Variants in NOX5 observed in about 807,000 individuals in gnomAD.
NOX5 encodes NADPH oxidase, EF-hand calcium binding domain 5.
Under a neutral mutation model 85.7 loss-of-function variants are expected in NOX5, and 76 were observed. The observed-to-expected ratio is 0.89, with a 90% CI of 0.74 to 1.07. The LOEUF (loss-of-function observed/expected upper bound fraction) is 1.07. NOX5 is among the 50% of genes least tolerant of loss of function. The pLI, the probability that NOX5 is intolerant of heterozygous loss-of-function variation, is 0.00. For synonymous variants in NOX5, 405 were observed against 401.4 expected (o/e 1.01, Z -0.11); for missense variants, 973 against 999.5 (o/e 0.97, Z 0.36).
At chr15:69,047,656 C>G in intron 12 of NOX5, 119 bp downstream of exon 12, 1 of 1,399,348 alleles carries the variant, frequency 7.1e-7, no homozygotes, top group East Asian at 2.5e-5. Context: ...CTCTGCTCTT[C>G]TCTCTCTTTC....
chr15:69,034,741 T>TTTTA (rs746680673), intron 5 of NOX5, among the ~76,000 whole-genome samples: 42 of 152,092 alleles, frequency 2.8e-4, no homozygotes, highest in South Asian at 1.2e-3. Flanking sequence ...AACAGAGATA[T>TTTTA]TTTATTTATT....
chr15:69,033,597 A>G (rs554704851), intron 5 of NOX5, among the ~76,000 whole-genome samples: 4 of 151,474 alleles, frequency 2.6e-5, no homozygotes, highest in African/African-American at 9.7e-5. Context: ...TCAAGAGGAA[A>G]CCCTAGAAGA....
At position 69,028,186 on chromosome 15, in the gene NOX5, G is replaced by A. The variant is rs768701568; in HGVS notation, c.175-29G>A. On this transcript the variant is annotated intron_variant, in intron 2 of 15. Coordinates refer to ENST00000388866, the MANE Select transcript of NOX5 (RefSeq NM_024505.4). ...AAGCCCAGGCCCTGCGGCCACAGTT[G>A]TGCTGTCTTCCACCCTTCTCGCCCA... is the stretch of plus-strand genomic sequence containing the variant. 4 of 1,563,466 alleles carry A rather than the reference G, an allele frequency of 2.6e-6. No individual in the cohort carries two copies. In the South Asian group the frequency reaches 3.6e-5, roughly 14 times the overall value.
chr15:69,040,937 C>A (rs1243560078), intron 9 of NOX5, among the ~76,000 whole-genome samples: 1 of 152,158 alleles, frequency 6.6e-6, no homozygotes, highest in Non-Finnish European at 1.5e-5. Context: ...ATCCACCCAC[C>A]TTTTCCAAAG....
At chr15:69,042,629 A>T (rs2050609368) in intron 9 of NOX5, 34 bp from the exon 10 acceptor site, 1 of 1,599,308 alleles carries the variant, frequency 6.3e-7, no homozygotes, top group African/African-American at 1.4e-5. Flanking sequence ...GTCACTATGG[A>T]CCTCCTTTCC....
intron 2 of NOX5, among the ~76,000 whole-genome samples, chr15:69,027,300 C>T (rs533144791): frequency 4.6e-5 from 7 of 152,114 alleles, no homozygotes; most frequent in Non-Finnish European, 8.8e-5. Flanking sequence ...AGGAAAAAAT[C>T]CCATTCTCCC....
intron 9 of NOX5, 133 bp downstream of exon 9, chr15:69,039,122 T>C (rs2050560408): frequency 2.9e-6 from 3 of 1,024,070 alleles, no homozygotes; most frequent in Non-Finnish European, 4.4e-6. Flanking sequence ...AAAGCTCTCT[T>C]TGAAGTGGGA....
intron 1 of NOX5, among the ~76,000 whole-genome samples, chr15:69,018,318 A>C (rs2050255324): frequency 6.6e-6 from 1 of 152,156 alleles, no homozygotes; most frequent in South Asian, 2.1e-4. Flanking sequence ...GGTGTGAGCC[A>C]GCAACAGACT....
At position 69,014,770 on chromosome 15, in the gene NOX5, C is replaced by T; in HGVS notation, c.35C>T (p.Pro12Leu). 6.5e-7 allele frequency: 1 copy of T among 1,550,192 alleles called. No individual in the cohort carries two copies. Among genetic ancestry groups the T allele is most frequent in the East Asian group, 2.4e-5 (1 of 40,918 alleles). Residue 12 changes from proline (P) to leucine (L), a missense_variant, in exon 1 of 16, where the codon CCT becomes CTT. Pro to Leu is a moderately conservative substitution (Grantham distance 98). Coordinates refer to ENST00000388866, the MANE Select transcript of NOX5 (RefSeq NM_024505.4). ...NTSGDPAQTG[P>L]EGCRGTMSAE... ...TCTGGAGACCCAGCCCAGACGGGCC[C>T]TGAAGGCTGTAGAGGGTGAGTGGCT...
chr15:69,015,739 G>A lies in NOX5; in HGVS notation c.50+954G>A, dbSNP rs117014689. On this transcript the variant is annotated intron_variant, in intron 1 of 15. Transcript: ENST00000388866. Reference sequence around the variant, plus strand: ...GTGAGTGCTCTTTTGGGCCGTGGAGGGCTGCCTTGAAACCACCAAAGGGTG... The same window carrying A: ...GTGAGTGCTCTTTTGGGCCGTGGAGAGCTGCCTTGAAACCACCAAAGGGTG... Among the ~76,000 whole-genome samples, 1,486 of 152,294 alleles carry A rather than the reference G, an allele frequency of 9.8e-3. 16 individuals are homozygous for A. The highest frequency in any genetic ancestry group is 0.042 in the East Asian group (218 of 5,178).
At chr15:69,033,656 G>C (rs867739997) in intron 5 of NOX5, among the ~76,000 whole-genome samples, 3 of 151,618 alleles carry the variant, frequency 2.0e-5, no homozygotes, top group Non-Finnish European at 4.4e-5. Context: ...TCTGGCTCAT[G>C]GATGAGGCCT....
intron 3 of NOX5, chr15:69,031,294 C>T (rs2140256928): frequency 8.7e-6 from 5 of 577,512 alleles, no homozygotes; most frequent in Middle Eastern, 4.5e-4. Flanking sequence ...TTGAGTAGTA[C>T]TTAGGGAGTT....
At chr15:69,020,227 T>C (rs531935814) in intron 1 of NOX5, among the ~76,000 whole-genome samples, 1 of 152,344 alleles carries the variant, frequency 6.6e-6, no homozygotes, top group Admixed American at 6.5e-5. Context: ...ATCATGCTTA[T>C]TGCAAATATT....
intron 14 of NOX5, among the ~76,000 whole-genome samples, chr15:69,054,332 G>A (rs141029062): frequency 3.3e-5 from 5 of 152,272 alleles, no homozygotes; most frequent in Non-Finnish European, 4.4e-5. Context: ...GCAGAACTGC[G>A]GGTGCTCTGG....
intron 10 of NOX5, 26 bp from the exon 11 acceptor site, chr15:69,046,796 A>G: frequency 1.9e-6 from 3 of 1,611,038 alleles, no homozygotes; most frequent in Non-Finnish European, 2.5e-6. Flanking sequence ...TCCAAGACCC[A>G]TAACTCTCTG....
In NOX5 at chr15:69,026,637, CTGCATG is replaced by C. The variant is rs1251883284; in HGVS notation, c.163_168del (p.His55_Val56del). 29 of 1,614,038 alleles carry C rather than the reference CTGCATG, an allele frequency of 1.8e-5. No homozygotes were observed. The highest frequency in any genetic ancestry group is 2.4e-5 in the Non-Finnish European group (28 of 1,180,026). On this transcript the variant is annotated inframe_deletion, in exon 2 of 16. Transcript: ENST00000388866. The stretch of plus-strand genomic sequence containing the variant: ...CAGCCTGCAAGAATTCAAAGCAGCT[CTGCATG>C]TGAAAGAGGCAAGTGTTGGGCCAAG...
chr15:69,038,903 C>T lies in NOX5; in HGVS notation c.1418C>T (p.Pro473Leu), dbSNP rs936208951. The T allele has an allele frequency of 1.2e-6, 2 of 1,614,058 alleles. No individual in the cohort carries two copies. Residue 473 changes from proline to leucine, a missense_variant, in exon 9 of 16, where the codon CCT becomes CTT. By Grantham distance (98) the Pro-to-Leu change is moderately conservative. Coordinates refer to ENST00000388866, the MANE Select transcript of NOX5 (RefSeq NM_024505.4). ...CGGCCCCCTTTTTTTCACTATAGACCTGGTGACTACTTGTATCTGAACATC... is the reference window on the plus strand; with the variant it reads ...CGGCCCCCTTTTTTTCACTATAGACTTGGTGACTACTTGTATCTGAACATC... ...IKRPPFFHYRPGDYLYLNIPT... is the reference protein window; with the variant it reads ...IKRPPFFHYRLGDYLYLNIPT...
At chr15:69,046,765 G>A in intron 10 of NOX5, 57 bp from the exon 11 acceptor site, 1 of 1,536,178 alleles carries the variant, frequency 6.5e-7, no homozygotes, top group Non-Finnish European at 8.9e-7. Context: ...AAACTTCTAA[G>A]AAATCCCTAA....
intron 1 of NOX5, among the ~76,000 whole-genome samples, chr15:69,016,189 C>T (rs977406637): frequency 3.3e-5 from 5 of 152,098 alleles, no homozygotes; most frequent in African/African-American, 1.2e-4. Flanking sequence ...ACTGGAGGGC[C>T]TGGAGCCCCT....
Sources: gnomAD v4.1 joint callset for allele counts (sites outside exome capture counted in the v4.1 genomes callset) on GRCh38, gnomAD v4.1.1 for gene constraint, MANE v1.5 for transcripts, NCBI Gene and HGNC (gene_info 2026-07-23, HGNC 2026-07-21) for gene names.